ITGA5: variants seen among roughly 807,000 people sequenced by gnomAD.
ITGA5 encodes integrin alpha-5.
In ITGA5, 55 loss-of-function variants were observed where a neutral mutation model predicts 146.3. That is an observed-to-expected ratio of 0.38 (90% CI 0.30 to 0.47). The LOEUF (loss-of-function observed/expected upper bound fraction) is 0.47. ITGA5 is among the 20% of genes least tolerant of loss of function. The pLI, the probability that ITGA5 is intolerant of heterozygous loss-of-function variation, is 0.99. For missense variants in ITGA5, 1,131 were observed against 1,329.0 expected (o/e 0.85, Z 2.32); for synonymous variants, 500 against 531.8 (o/e 0.94, Z 0.82).
chr12:54,401,451 G>A lies in ITGA5; in HGVS notation c.2415C>T (p.Phe805=). The A allele has an allele frequency of 1.2e-6, 2 of 1,614,082 alleles. No individual in the cohort carries two copies. The highest frequency in any genetic ancestry group is 1.7e-6 in the Non-Finnish European group (2 of 1,179,984). The change falls in exon 24 of 30, where the codon TTC becomes TTT. Residue 805 remains phenylalanine, a synonymous_variant. Coordinates refer to ENST00000293379, the MANE Select transcript of ITGA5 (RefSeq NM_002205.5). The surrounding 1 kb of genome is among the most constrained non-coding windows in gnomAD (Gnocchi z 5.0). ...CTCGGGGATGCCAGTCGCTTACTGG[G>A]AATAGCACTGCCTCAGGCTTGGAGA... ...NGVSKPEAVL[F]PVSDWHPRDQ...
intron 27 of ITGA5, among the ~76,000 whole-genome samples, 180 bp downstream of exon 27, chr12:54,399,465 C>T (rs1489698102): frequency 6.6e-6 from 1 of 152,178 alleles, no homozygotes; most frequent in Non-Finnish European, 1.5e-5. Context: ...GCTGCTCCCA[C>T]TGTGGCCACT....
At chr12:54,418,848 C>T in intron 1 of ITGA5, 133 bp downstream of exon 1, 1 of 1,088,294 alleles carries the variant, frequency 9.2e-7, no homozygotes, top group South Asian at 1.6e-5. Flanking sequence ...TAGCCAGGGC[C>T]CCCAACTGCA....
In ITGA5 at chr12:54,409,140, C is replaced by T. The variant is rs1955907236; in HGVS notation, c.583+92G>A. 1 of 1,523,778 alleles carries T rather than the reference C, an allele frequency of 6.6e-7. No homozygotes were observed. Among genetic ancestry groups the T allele is most frequent in the African/African-American group, 1.4e-5 (1 of 72,532 alleles). The allele number at this position is 1,523,778 out of a possible 1,614,324, so 94.4% of individuals were successfully genotyped here. ...TAAGCAACCTAGAACCTCATGGGGG[C>T]ACATGGTAGGTGCGAGTCAACCCTA... On this transcript the variant is annotated intron_variant, in intron 4 of 29. Coordinates refer to ENST00000293379, the MANE Select transcript of ITGA5 (RefSeq NM_002205.5). This position sits in a 1 kb window ranked among gnomAD's most constrained non-coding sequence, Gnocchi z 4.7.
At chr12:54,398,836 T>C in intron 27 of ITGA5, 138 bp from the exon 28 acceptor site, 3 of 105,300 alleles carry the variant, frequency 2.8e-5, no homozygotes, top group Non-Finnish European at 3.7e-5. Context: ...TCTCTCTCTC[T>C]TTTTTTTTTT....
At chr12:54,406,658 T>C (rs960621994) in intron 9 of ITGA5, among the ~76,000 whole-genome samples, 1 of 152,250 alleles carries the variant, frequency 6.6e-6, no homozygotes, top group Admixed American at 6.5e-5. Context: ...TCATCCTCAA[T>C]CAGCTCATGA....
At position 54,403,192 on chromosome 12, in the gene ITGA5, C is replaced by A. The variant is rs756782196; in HGVS notation, c.1909G>T (p.Asp637Tyr). The A allele has an allele frequency of 6.4e-7, 1 of 1,562,166 alleles. No homozygotes were observed. Reference sequence around the variant, plus strand: ...TCTCCCTGCCCTGTCCTCACCTTGTCCTCTATCCGGCTCTTGCTCTGATAA... The same window carrying A: ...TCTCCCTGCCCTGTCCTCACCTTGTACTCTATCCGGCTCTTGCTCTGATAA... ...LHYQSKSRIEDKAQILLDCGE... is the reference protein window; with the variant it reads ...LHYQSKSRIEYKAQILLDCGE... The change falls in exon 18 of 30, where the codon GAC becomes TAC. Residue 637 changes from aspartate to tyrosine, a missense_variant. Coordinates refer to ENST00000293379, the MANE Select transcript of ITGA5 (RefSeq NM_002205.5). The surrounding 1 kb of genome is among the most constrained non-coding windows in gnomAD (Gnocchi z 4.9).
At chr12:54,399,597 A>G (rs371960269) in intron 27 of ITGA5, 48 bp downstream of exon 27, 1 of 1,398,812 alleles carries the variant, frequency 7.1e-7, no homozygotes, top group East Asian at 2.3e-5. Context: ...GGGTCAGTCT[A>G]AGCAGGCCCA....
Position 54,403,689 on chromosome 12 carries a change from G to A in ITGA5, c.1712C>T (p.Thr571Ile), listed in dbSNP as rs768955596. ...LFLASRQATL[T>I]QTLLIQNGAR... ...CCCATTCTGGATGAGCAGGGTCTGGGTCAGGGTTGCCTGCCTGGAGGCCAG... is the reference window on the plus strand; with the variant it reads ...CCCATTCTGGATGAGCAGGGTCTGGATCAGGGTTGCCTGCCTGGAGGCCAG... The change falls in exon 17 of 30, where the codon ACC becomes ATC. Residue 571 changes from threonine to isoleucine, a missense_variant. By Grantham distance (89) the Thr-to-Ile change is moderately conservative. Coordinates refer to ENST00000293379, the MANE Select transcript of ITGA5 (RefSeq NM_002205.5). This position sits in a 1 kb window ranked among gnomAD's most constrained non-coding sequence, Gnocchi z 4.9. 3 of 1,614,118 alleles carry A rather than the reference G, an allele frequency of 1.9e-6. No homozygotes were observed. Among genetic ancestry groups the A allele is most frequent in the Non-Finnish European group, 1.7e-6 (2 of 1,180,030 alleles).
At chr12:54,398,086 C>A (rs565330070) in intron 28 of ITGA5, among the ~76,000 whole-genome samples, 1 of 152,090 alleles carries the variant, frequency 6.6e-6, no homozygotes, top group Non-Finnish European at 1.5e-5. Flanking sequence ...TTTGTAGAGA[C>A]AGGATCTCAC....
rs1955726759 is a variant in ITGA5, at chr12:54,397,459, G to T, written c.2972C>A (p.Ala991Glu). The change falls in exon 29 of 30, where the codon GCA becomes GAA. Residue 991 changes from alanine to glutamate, a missense_variant. Physicochemically the swap from Ala to Glu is moderately radical, Grantham distance 107. Around this residue, in one of 3 missense-constraint regions of ITGA5, gnomAD observed 889 missense variants for 1,021.5 expected, o/e 0.87. Transcript: ENST00000293379. ...CAGTGGGACGCCATAGCTGCCTTCT[G>T]CCTTGGTCCATTGCACAGCTGTGGC... is the stretch of plus-strand genomic sequence containing the variant. ...QVATAVQWTK[A>E]EGSYGVPLWI... The T allele has an allele frequency of 1.2e-6, 2 of 1,614,132 alleles. No homozygotes were observed. Among genetic ancestry groups the T allele is most frequent in the Middle Eastern group, 1.7e-4 (1 of 6,030 alleles).
intron 1 of ITGA5, 90 bp downstream of exon 1, chr12:54,418,891 T>G: frequency 2.1e-6 from 3 of 1,445,472 alleles, no homozygotes; most frequent in Non-Finnish European, 2.8e-6. Context: ...CCCTCAAACT[T>G]AAGCCCTGGT....
intron 28 of ITGA5, 36 bp from the exon 29 acceptor site, chr12:54,397,523 AGAAG>A: frequency 6.2e-7 from 1 of 1,612,260 alleles, no homozygotes; most frequent in African/African-American, 1.3e-5. Context: ...ATGAAAGCTC[AGAAG>A]TTCTTTCTAC....
Position 54,408,816 on chromosome 12 carries a change from AG to A in ITGA5, c.646-16del. On this transcript the variant is annotated splice_polypyrimidine_tract_variant and intron_variant, in intron 5 of 29. Coordinates refer to ENST00000293379, the MANE Select transcript of ITGA5 (RefSeq NM_002205.5). ...ACACGGCCAGTCTGTGGGTGAAAGGAGGGGAGTCCAACATCTGGTCCCAATC... is the reference window on the plus strand; with the variant it reads ...ACACGGCCAGTCTGTGGGTGAAAGGAGGGAGTCCAACATCTGGTCCCAATC... 1 of 1,612,912 alleles carries A rather than the reference AG, an allele frequency of 6.2e-7. No individual in the cohort carries two copies. Among genetic ancestry groups the A allele is most frequent in the Non-Finnish European group, 8.5e-7 (1 of 1,179,612 alleles).
In ITGA5 at chr12:54,404,735, C is replaced by A; in HGVS notation, c.1385G>T (p.Gly462Val). ...TCCATTGCCATCCAGGTCTCGGCCT[C>A]CTCGAAGGGCAGAGCCAAAGAAGTC... is the stretch of plus-strand genomic sequence containing the variant. ...TPDFFGSALR[G>V]GRDLDGNGYP... is the part of the protein sequence containing the mutation. The change falls in exon 13 of 30, where the codon GGA (glycine) becomes GTA (valine). Residue 462 changes from glycine (G) to valine (V), a missense_variant. By Grantham distance (109) the Gly-to-Val change is moderately radical. Coordinates refer to ENST00000293379, the MANE Select transcript of ITGA5 (RefSeq NM_002205.5). 6.2e-7 allele frequency: 1 copy of A among 1,614,138 alleles called. No individual in the cohort carries two copies. Among genetic ancestry groups the A allele is most frequent in the Non-Finnish European group, 8.5e-7 (1 of 1,180,026 alleles).
In ITGA5 at chr12:54,398,678, G is replaced by A. The variant is rs377062655; in HGVS notation, c.2862C>T (p.Ser954=). 3.7e-6 allele frequency: 6 copies of A among 1,603,610 alleles called. No individual in the cohort carries two copies. The African/African-American group carries it at 6.7e-5, about 18-fold the overall frequency. The change falls in exon 28 of 30, where the codon AGC becomes AGT. Residue 954 remains serine (S), a synonymous_variant. Coordinates refer to ENST00000293379, the MANE Select transcript of ITGA5 (RefSeq NM_002205.5). ...CTTTGTACACAGCCTCACACTGCAG[G>A]CTAAATGGCTGGTGCTCCCGCTGTG... is the stretch of plus-strand genomic sequence containing the variant. The part of the protein sequence containing the change: ...TFLQREHQPF[S]LQCEAVYKAL...
intron 2 of ITGA5, among the ~76,000 whole-genome samples, chr12:54,410,686 G>A (rs1276404817): frequency 6.6e-6 from 1 of 150,464 alleles, no homozygotes; most frequent in Non-Finnish European, 1.5e-5. Flanking sequence ...AACCTCCCGA[G>A]TAGCTGGGAC....
At chr12:54,412,070 A>G (rs1592292542) in intron 1 of ITGA5, 106 bp from the exon 2 acceptor site, 1 of 840,034 alleles carries the variant, frequency 1.2e-6, no homozygotes, top group African/African-American at 1.8e-5. Context: ...CTGGGGGTGG[A>G]GTAGATGCCC....
In ITGA5 at chr12:54,401,368, C is replaced by G. The variant is rs1175846031; in HGVS notation, c.2493+5G>C. ...TCATTCTGGCCCTGCCCCTTCCCCCCTTACCTCATAGACATGGTGGACAGC... is the reference window on the plus strand; with the variant it reads ...TCATTCTGGCCCTGCCCCTTCCCCCGTTACCTCATAGACATGGTGGACAGC... On this transcript the variant is annotated splice_donor_5th_base_variant and intron_variant, in intron 24 of 29. Coordinates refer to ENST00000293379, the MANE Select transcript of ITGA5 (RefSeq NM_002205.5). This position sits in a 1 kb window ranked among gnomAD's most constrained non-coding sequence, Gnocchi z 5.0. 1.9e-6 allele frequency: 3 copies of G among 1,600,886 alleles called. No homozygotes were observed. The highest frequency in any genetic ancestry group is 2.2e-5 in the South Asian group (2 of 90,786).
At position 54,408,153 on chromosome 12, in the gene ITGA5, C is replaced by T. The variant is rs1955891189; in HGVS notation, c.774G>A (p.Leu258=). 3 of 1,614,170 alleles carry T rather than the reference C, an allele frequency of 1.9e-6. No homozygotes were observed. Among genetic ancestry groups the T allele is most frequent in the East Asian group, 4.5e-5 (2 of 44,878 alleles). ...AGATGGAACTGGCCTGGCGAGTCTG[C>T]AGCTGCCCCTGAACCAGGTTGATCA... ...EYLINLVQGQ[L]QTRQASSIYD... Residue 258 remains leucine (L), a synonymous_variant, in exon 7 of 30, where the codon CTG becomes CTA. Coordinates refer to ENST00000293379, the MANE Select transcript of ITGA5 (RefSeq NM_002205.5).
Sources: gnomAD v4.1 joint callset for allele counts (sites outside exome capture counted in the v4.1 genomes callset) on GRCh38, gnomAD v4.1.1 for gene constraint, gnomAD v4.1.1 regional missense constraint, Gnocchi (gnomAD v3.1) non-coding constraint, MANE v1.5 for transcripts, NCBI Gene and HGNC (gene_info 2026-07-23, HGNC 2026-07-21) for gene names.